The following ATXN7L1 variants were observed in gnomAD, a reference collection of about 807,000 sequenced individuals.
ATXN7L1 encodes ataxin 7 like 1.
A neutral mutation model predicts 70.8 loss-of-function variants in ATXN7L1; 15 were observed. That is an observed-to-expected ratio of 0.21 (90% CI 0.14 to 0.33). ATXN7L1 has a LOEUF of 0.33. ATXN7L1 is among the 10% of genes least tolerant of loss of function. The pLI, the probability that ATXN7L1 is intolerant of heterozygous loss-of-function variation, is 1.00. For missense variants in ATXN7L1, 975 were observed against 1,097.1 expected (o/e 0.89, Z 1.57); for synonymous variants, 440 against 445.1 (o/e 0.99, Z 0.14).
chr7:105,761,850 A>G, intron 3 of ATXN7L1, among the ~76,000 whole-genome samples: 1 of 152,316 alleles, frequency 6.6e-6, no homozygotes, highest in African/African-American at 2.4e-5. Flanking sequence ...GACCCAATTT[A>G]TCCACATCAC....
intron 2 of ATXN7L1, among the ~76,000 whole-genome samples, chr7:105,864,683 G>C (rs1209285935): frequency 6.6e-6 from 1 of 151,456 alleles, no homozygotes; most frequent in Admixed American, 6.6e-5. Context: ...CCCCAGGCTG[G>C]AGTGCAGTGG....
At chr7:105,648,715 G>A (rs1029431156) in intron 4 of ATXN7L1, among the ~76,000 whole-genome samples, 5 of 152,146 alleles carry the variant, frequency 3.3e-5, no homozygotes, top group Non-Finnish European at 5.9e-5. Context: ...GGCCCCGTGT[G>A]CATCCCCCTC....
chr7:105,767,246 C>G (rs1366397430), intron 3 of ATXN7L1, among the ~76,000 whole-genome samples: 5 of 152,150 alleles, frequency 3.3e-5, no homozygotes, highest in Non-Finnish European at 5.9e-5. Flanking sequence ...ACAGAAGCCC[C>G]CAAGATTCCA....
chr7:105,738,305 A>T (rs908289626), intron 3 of ATXN7L1, among the ~76,000 whole-genome samples: 1 of 152,148 alleles, frequency 6.6e-6, no homozygotes, highest in Admixed American at 6.5e-5. Flanking sequence ...CCAGCTCTAT[A>T]TGTCATTGTA....
At chr7:105,779,061 A>C (rs545147584) in intron 3 of ATXN7L1, among the ~76,000 whole-genome samples, 3 of 152,346 alleles carry the variant, frequency 2.0e-5, no homozygotes, top group South Asian at 4.1e-4. Flanking sequence ...TTTCTGCATC[A>C]AAGTTTAGTT....
intron 2 of ATXN7L1, among the ~76,000 whole-genome samples, chr7:105,858,173 G>T (rs1816017370): frequency 6.6e-6 from 1 of 152,184 alleles, no homozygotes; most frequent in South Asian, 2.1e-4. Flanking sequence ...CAAGGCTGCA[G>T]TGAGCTATGA....
intron 8 of ATXN7L1, among the ~76,000 whole-genome samples, 156 bp from the exon 9 acceptor site, chr7:105,620,477 A>G (rs1794757818): frequency 1.3e-5 from 2 of 152,242 alleles, no homozygotes; most frequent in Non-Finnish European, 2.9e-5. Context: ...GCAGTTCTGT[A>G]GTTTGAGCTC....
chr7:105,682,190 A>G (rs1584709139), intron 3 of ATXN7L1, among the ~76,000 whole-genome samples: 1 of 152,096 alleles, frequency 6.6e-6, no homozygotes, highest in Non-Finnish European at 1.5e-5. Context: ...ACTGTACTCC[A>G]TCCAGCCTGG....
At chr7:105,801,897 G>C (rs1450593247) in intron 2 of ATXN7L1, among the ~76,000 whole-genome samples, 2 of 152,138 alleles carry the variant, frequency 1.3e-5, no homozygotes, top group Non-Finnish European at 2.9e-5. Flanking sequence ...CAGTGTATTG[G>C]CACACCACTG....
rs1802241886 is a variant in ATXN7L1 at position 105,664,515 on chromosome 7, TATATAC to T, written c.578+545_578+550del. 6.2e-5 allele frequency among the ~76,000 whole-genome samples: 9 copies of T among 144,522 alleles called. No individual in the cohort carries two copies. In the South Asian group the frequency reaches 1.3e-3, roughly 21 times the overall value. 94.8% of individuals were successfully genotyped at this position (144,522 alleles called of 152,430 possible). A position where few individuals can be genotyped will look rare whatever the true frequency, so the allele number is the denominator to read the frequency against. On this transcript the variant is annotated intron_variant, in intron 4 of 11. Transcript: ENST00000419735. ...ATATGTATAATATATGTATAATATA[TATATAC>T]ATATGTATAATATATATATGTATAA... is the stretch of plus-strand genomic sequence containing the variant.
At chr7:105,745,418 G>A (rs1382114651) in intron 3 of ATXN7L1, among the ~76,000 whole-genome samples, 1 of 151,996 alleles carries the variant, frequency 6.6e-6, no homozygotes, top group Non-Finnish European at 1.5e-5. Context: ...TTTTTCATGT[G>A]GGCCGTGTAC....
At chr7:105,787,412 G>A (rs1375386752) in intron 3 of ATXN7L1, among the ~76,000 whole-genome samples, 1 of 152,096 alleles carries the variant, frequency 6.6e-6, no homozygotes, top group East Asian at 1.9e-4. Flanking sequence ...GAAAGTCCTG[G>A]ACTCACTCCC....
chr7:105,722,043 G>C lies in ATXN7L1; in HGVS notation c.356-56755C>G, dbSNP rs1795244459. On this transcript the variant is annotated intron_variant, in intron 3 of 11. Coordinates refer to ENST00000419735, the MANE Select transcript of ATXN7L1 (RefSeq NM_020725.2). ...ATGCGCACACATAGGTTAACAGTTT[G>C]GTTCTAATTTAGTTGCCTGTCCCAA... 2.0e-5 allele frequency among the ~76,000 whole-genome samples: 3 copies of C among 152,338 alleles called. No individual in the cohort carries two copies. The South Asian group carries it at 6.2e-4, about 32-fold the overall frequency.
rs138332321 is a variant in ATXN7L1 at position 105,803,790 on chromosome 7, GA to G, written c.251-15083del. On this transcript the variant is annotated intron_variant, in intron 2 of 11. Transcript: ENST00000419735. Reference sequence around the variant, plus strand: ...CTTCCCTAATGGTAACTTCCCATAGGAACAGTCTATGATTTTACCTATTTCC... The same window carrying G: ...CTTCCCTAATGGTAACTTCCCATAGGACAGTCTATGATTTTACCTATTTCC... 8.8e-3 allele frequency among the ~76,000 whole-genome samples: 1,341 copies of G among 152,284 alleles called. 24 individuals carry two copies. The highest frequency in any genetic ancestry group is 0.031 in the African/African-American group (1,270 of 41,548).
At chr7:105,834,575 A>G (rs1812090702) in intron 2 of ATXN7L1, among the ~76,000 whole-genome samples, 1 of 152,126 alleles carries the variant, frequency 6.6e-6, no homozygotes, top group Non-Finnish European at 1.5e-5. Flanking sequence ...ACGTCATAAC[A>G]TTTTAGGATC....
At chr7:105,734,296 T>G (rs1376137138) in intron 3 of ATXN7L1, among the ~76,000 whole-genome samples, 1 of 152,212 alleles carries the variant, frequency 6.6e-6, no homozygotes. Context: ...CAGTAAATGC[T>G]AAAACCGAAA....
At chr7:105,871,554 T>G (rs538203327) in intron 2 of ATXN7L1, among the ~76,000 whole-genome samples, 2 of 152,076 alleles carry the variant, frequency 1.3e-5, no homozygotes, top group South Asian at 4.2e-4. Context: ...CTACTAAATA[T>G]ACAAAATTAG....
intron 7 of ATXN7L1, among the ~76,000 whole-genome samples, chr7:105,628,765 C>T (rs1222116172): frequency 6.6e-6 from 1 of 151,250 alleles, no homozygotes; most frequent in Non-Finnish European, 1.5e-5. Flanking sequence ...TGTACTCCAG[C>T]CGGGGCCACA....
At chr7:105,745,480 T>G (rs577927605) in intron 3 of ATXN7L1, among the ~76,000 whole-genome samples, 3 of 152,208 alleles carry the variant, frequency 2.0e-5, no homozygotes, top group Non-Finnish European at 2.9e-5. Flanking sequence ...CAAATAACAT[T>G]ACAGCTGGAA....
Sources: gnomAD v4.1 joint callset for allele counts (sites outside exome capture counted in the v4.1 genomes callset) on GRCh38, gnomAD v4.1.1 for gene constraint, MANE v1.5 for transcripts, NCBI Gene and HGNC (gene_info 2026-07-23, HGNC 2026-07-21) for gene names.